Variants in NCOR2 observed in about 807,000 individuals in gnomAD.
The protein encoded by NCOR2 is nuclear receptor corepressor 2, also known as CTG repeat protein 26.
NCOR2 carries 81 observed loss-of-function variants against 262.9 expected under a neutral mutation model. The ratio of observed to expected loss-of-function variants is 0.31; its 90% CI spans 0.26 to 0.37. The LOEUF (loss-of-function observed/expected upper bound fraction) is 0.37, where lower values mean the gene tolerates loss of function less well. Ranked by LOEUF, NCOR2 falls within the 10% of genes least tolerant of loss-of-function variation. The pLI is 1.00. For synonymous variants in NCOR2, 1,659 were observed against 1,559.3 expected (o/e 1.06, Z -1.51); for missense variants, 3,385 against 3,621.4 (o/e 0.93, Z 1.68).
intron 7 of NCOR2, among the ~76,000 whole-genome samples, chr12:124,442,408 G>A (rs11057625): frequency 1.3e-5 from 2 of 152,170 alleles, no homozygotes; most frequent in Non-Finnish European, 2.9e-5. Context: ...CCAAAGTGCT[G>A]GGATGACAGG....
In NCOR2 at chr12:124,566,650, G is replaced by A. The variant is rs1021432588; in HGVS notation, c.-165+658C>T. Among the ~76,000 whole-genome samples, 2 of 152,340 alleles carry A rather than the reference G, an allele frequency of 1.3e-5. No individual in the cohort carries two copies. The highest frequency in any genetic ancestry group is 4.8e-5 in the African/African-American group (2 of 41,576). On this transcript the variant is annotated intron_variant, in intron 1 of 32. Coordinates refer to the NCOR2 transcript ENST00000458234. This position sits in a 1 kb window ranked among gnomAD's most constrained non-coding sequence, Gnocchi z 4.3. Reference sequence around the variant, plus strand: ...CCAAGTATCCGCACAGCCCGGGGGAGGGACTAGGAGGCGGCCCAATGAGGC... The same window carrying A: ...CCAAGTATCCGCACAGCCCGGGGGAAGGACTAGGAGGCGGCCCAATGAGGC...
Position 124,563,029 on chromosome 12 carries a change from C to G in NCOR2, c.-165+4279G>C, listed in dbSNP as rs180752697. Among the ~76,000 whole-genome samples the G allele has an allele frequency of 3.9e-5, 6 of 152,324 alleles. No homozygotes were observed. The East Asian group carries it at 1.2e-3, about 29-fold the overall frequency. On this transcript the variant is annotated intron_variant, in intron 1 of 32. Transcript: ENST00000458234. ...TAAGTAACTCATTCACAGCTTGAAGCTGCAGAGCTGAACAGCAAACCCAAT... is the reference window on the plus strand; with the variant it reads ...TAAGTAACTCATTCACAGCTTGAAGGTGCAGAGCTGAACAGCAAACCCAAT...
chr12:124,340,718 G>T, exon 35 of NCOR2: 1 of 1,545,364 alleles, frequency 6.5e-7, no homozygotes. Flanking sequence ...CACGAGCACA[G>T]GCAGGTGTGG....
chr12:124,499,470 A>C (rs1184637620), upstream of NCOR2, among the ~76,000 whole-genome samples: 1 of 151,468 alleles, frequency 6.6e-6, no homozygotes, highest in Non-Finnish European at 1.5e-5. Flanking sequence ...GCCAGGAGAT[A>C]CGAGGAAGAA....
chr12:124,516,362 C>T (rs759700528), intron 1 of NCOR2, among the ~76,000 whole-genome samples: 9 of 152,124 alleles, frequency 5.9e-5, no homozygotes, highest in African/African-American at 1.7e-4. Flanking sequence ...GAGTGGGAGA[C>T]GGGGCAGAAC....
rs566482986 is a variant in NCOR2 at position 124,566,970 on chromosome 12, G to T, written c.-165+338C>A. Among the ~76,000 whole-genome samples the T allele has an allele frequency of 6.6e-6, 1 of 152,290 alleles. No homozygotes were observed. Among genetic ancestry groups the T allele is most frequent in the African/African-American group, 2.4e-5 (1 of 41,580 alleles). On this transcript the variant is annotated intron_variant, in intron 1 of 32. Transcript: ENST00000458234. This position sits in a 1 kb window ranked among gnomAD's most constrained non-coding sequence, Gnocchi z 4.3. The stretch of plus-strand genomic sequence containing the variant: ...CGGGGCTACACCGGGTACAAGGGAC[G>T]CCTGGCGGCCAAGTCCCCAGAGCCG...
At position 124,354,312 on chromosome 12, in the gene NCOR2, G is replaced by A. The variant is rs957425471; in HGVS notation, c.3590-116C>T. 38 of 1,223,228 alleles carry A rather than the reference G, an allele frequency of 3.1e-5. No individual in the cohort carries two copies. The Admixed American group carries it at 5.9e-4, about 19-fold the overall frequency. 75.8% of individuals were successfully genotyped at this position (1,223,228 alleles called of 1,614,324 possible). A position where few individuals can be genotyped will look rare whatever the true frequency, so the allele number is the denominator to read the frequency against. On this transcript the variant is annotated intron_variant, in intron 26 of 46. Coordinates refer to ENST00000405201, the Ensembl canonical transcript of NCOR2. ...CACAAGTTGTGCTAGTTGTTTCAACGCAGAGGGAGTCCCCCTACCCCTAAA... is the reference window on the plus strand; with the variant it reads ...CACAAGTTGTGCTAGTTGTTTCAACACAGAGGGAGTCCCCCTACCCCTAAA...
chr12:124,513,069 G>A (rs573719946), intron 1 of NCOR2, among the ~76,000 whole-genome samples: 68 of 152,338 alleles, frequency 4.5e-4, no homozygotes, highest in South Asian at 6.2e-4. Context: ...TTGGCACACA[G>A]GCCCCTGGCA....
chr12:124,506,831 C>T (rs932852577), intron 1 of NCOR2, among the ~76,000 whole-genome samples: 2 of 152,296 alleles, frequency 1.3e-5, no homozygotes, highest in African/African-American at 4.8e-5. Flanking sequence ...CTGGGCAAAC[C>T]ACTTAACCCC....
chr12:124,422,465 G>A (rs748832397), intron 12 of NCOR2, 36 bp downstream of exon 14: 3 of 1,613,142 alleles, frequency 1.9e-6, no homozygotes, highest in Non-Finnish European at 1.7e-6. Context: ...CCACGGAGGT[G>A]GAGACCGAAG....
intron 44 of NCOR2, chr12:124,329,123 C>T (rs988900599): frequency 8.5e-6 from 4 of 470,288 alleles, no homozygotes; most frequent in African/African-American, 2.0e-5. Context: ...GTGGCAAAGA[C>T]TGGAGCCTGG....
chr12:124,325,393 T>G, exon 47 of NCOR2: 134 of 66,666 alleles, frequency 2.0e-3, no homozygotes, highest in Non-Finnish European at 2.9e-3. Flanking sequence ...CCCCCCGCCC[T>G]GTTCTGAGTC....
At chr12:124,329,885 C>T (rs149826034) in intron 44 of NCOR2, among the ~76,000 whole-genome samples, 1 of 152,334 alleles carries the variant, frequency 6.6e-6, no homozygotes, top group East Asian at 1.9e-4. Context: ...TCATTTCTAA[C>T]CCTCTTGTTG....
At chr12:124,363,828 G>T (rs1307789988) in intron 20 of NCOR2, 29 bp from the exon 23 acceptor site, 6 of 1,326,362 alleles carry the variant, frequency 4.5e-6, no homozygotes, top group South Asian at 2.5e-5. Context: ...CATCAGCTGG[G>T]GGCCCACAGC....
At chr12:124,458,889 G>A (rs2046021136) in intron 5 of NCOR2, among the ~76,000 whole-genome samples, 1 of 152,168 alleles carries the variant, frequency 6.6e-6, no homozygotes, top group Non-Finnish European at 1.5e-5. Flanking sequence ...CTGGGGTACT[G>A]AAGATGGGAG....
At chr12:124,472,263 G>T (rs184383082) in intron 4 of NCOR2, among the ~76,000 whole-genome samples, 5 of 152,356 alleles carry the variant, frequency 3.3e-5, no homozygotes, top group Admixed American at 3.3e-4. Context: ...GTTATAAAAT[G>T]AATGTTATAA....
At position 124,422,389 on chromosome 12, in the gene NCOR2, G is replaced by T; in HGVS notation, c.1383+112C>A. The T allele has an allele frequency of 2.4e-6, 3 of 1,271,406 alleles. No individual in the cohort carries two copies. In the Admixed American group the frequency reaches 5.5e-5, roughly 23 times the overall value. The allele number at this position is 1,271,406 out of a possible 1,614,324, so 78.8% of individuals were successfully genotyped here. A position where few individuals can be genotyped will look rare whatever the true frequency, so the allele number is the denominator to read the frequency against. On this transcript the variant is annotated intron_variant, in intron 12 of 46. Transcript: ENST00000405201. ...AGGGGAGCATGGCAGCTGGAGCAAG[G>T]GGCCAGGCAGGCCAGGGCCTTGTGG... is the stretch of plus-strand genomic sequence containing the variant.
chr12:124,332,983 G>C (rs1322222716), intron 42 of NCOR2, 147 bp downstream of exon 44: 2 of 1,065,446 alleles, frequency 1.9e-6, no homozygotes, highest in Non-Finnish European at 2.6e-6. Flanking sequence ...CCCCCAAGTT[G>C]GTGAAACCTG....
chr12:124,364,163 C>G (rs1271276049), intron 20 of NCOR2, among the ~76,000 whole-genome samples: 1 of 152,208 alleles, frequency 6.6e-6, no homozygotes, highest in Non-Finnish European at 1.5e-5. Flanking sequence ...CATCTCCAGG[C>G]AAGGAAAATC....
Sources: gnomAD v4.1 joint callset for allele counts (sites outside exome capture counted in the v4.1 genomes callset) on GRCh38, gnomAD v4.1.1 for gene constraint, Gnocchi (gnomAD v3.1) non-coding constraint, MANE v1.5 for transcripts, NCBI Gene and HGNC (gene_info 2026-07-23, HGNC 2026-07-21) for gene names.